Variants in TMC1 observed in about 807,000 individuals in gnomAD.
The protein encoded by TMC1 is transmembrane channel like 1, also known as transmembrane channel-like protein 1.
In TMC1, 84 loss-of-function variants were observed where a neutral mutation model predicts 105.8. The observed-to-expected ratio is 0.79, with a 90% CI of 0.67 to 0.95. The LOEUF is 0.95. Ranked by LOEUF, TMC1 falls within the 40% of genes least tolerant of loss-of-function variation. The pLI, the probability that TMC1 is intolerant of heterozygous loss-of-function variation, is 0.00. For synonymous variants in TMC1, 315 were observed against 311.5 expected, an observed-to-expected ratio of 1.01 and a Z score of -0.12; for missense variants, 817 against 914.1, an observed-to-expected ratio of 0.89 and a Z score of 1.37.
intron 20 of TMC1, among the ~76,000 whole-genome samples, chr9:72,821,973 C>A (rs575370609): frequency 5.3e-5 from 8 of 152,322 alleles, no homozygotes; most frequent in Admixed American, 4.6e-4. Context: ...TATATATTCT[C>A]TCCTAATTAT....
intron 2 of TMC1, among the ~76,000 whole-genome samples, chr9:72,585,874 C>T (rs998507326): frequency 1.3e-5 from 2 of 152,144 alleles, no homozygotes; most frequent in Admixed American, 1.3e-4. Flanking sequence ...GAGGATTCGT[C>T]ATGCACCCTG....
chr9:72,594,359 G>T (rs1824686226), intron 2 of TMC1, among the ~76,000 whole-genome samples: 1 of 152,202 alleles, frequency 6.6e-6, no homozygotes, highest in South Asian at 2.1e-4. Flanking sequence ...GGATAGTTTA[G>T]AAAGTTTATT....
At chr9:72,531,812 A>C (rs1324036204) in intron 1 of TMC1, among the ~76,000 whole-genome samples, 1 of 152,154 alleles carries the variant, frequency 6.6e-6, no homozygotes, top group Non-Finnish European at 1.5e-5. Context: ...AAATGCCCTC[A>C]ATTCAAAAAT....
chr9:72,544,795 T>TTTG (rs1379248832), intron 1 of TMC1, among the ~76,000 whole-genome samples: 1 of 151,294 alleles, frequency 6.6e-6, no homozygotes, highest in African/African-American at 2.4e-5. Context: ...ACCTTTTTTT[T>TTTG]TTTTAATTTC....
intron 1 of TMC1, among the ~76,000 whole-genome samples, chr9:72,566,438 T>C (rs1297294865): frequency 6.6e-6 from 1 of 151,434 alleles, no homozygotes; most frequent in Non-Finnish European, 1.5e-5. Context: ...CCATAGGGAC[T>C]ATCTTGGGCT....
intron 5 of TMC1, among the ~76,000 whole-genome samples, chr9:72,666,570 A>G (rs1325963670): frequency 6.6e-6 from 1 of 152,220 alleles, no homozygotes; most frequent in Non-Finnish European, 1.5e-5. Context: ...CTTGTACAGT[A>G]TAACTATTGT....
intron 1 of TMC1, among the ~76,000 whole-genome samples, chr9:72,525,749 A>T (rs906483678): frequency 6.6e-6 from 1 of 152,242 alleles, no homozygotes; most frequent in Non-Finnish European, 1.5e-5. Context: ...GCACTTTGGG[A>T]GGCCCAGGCG....
chr9:72,582,278 A>C (rs961737901), intron 2 of TMC1, among the ~76,000 whole-genome samples: 1 of 152,216 alleles, frequency 6.6e-6, no homozygotes, highest in Non-Finnish European at 1.5e-5. Flanking sequence ...AACAATAAAC[A>C]TGCAAAGATT....
At chr9:72,646,996 GC>G (rs1280899531) in intron 4 of TMC1, among the ~76,000 whole-genome samples, 1 of 151,886 alleles carries the variant, frequency 6.6e-6, no homozygotes, top group African/African-American at 2.4e-5. Context: ...ACAAAAATTA[GC>G]CCGGTGTGGT....
Position 72,616,378 on chromosome 9 carries a change from AT to A in TMC1, c.-294del, listed in dbSNP as rs1384331480. ...CCTTTATAATTCCAGGCCATGAAAG[AT>A]CACTGTTTTAGTCTGCGTGGTGCAG... On this transcript the variant is annotated 5_prime_UTR_variant, in exon 3 of 24. An upstream open reading frame in the 5' UTR gains an earlier in-frame stop. Transcript: ENST00000297784. 6.6e-6 allele frequency: 1 copy of A among 152,126 alleles called. No homozygotes were observed. The allele number at this position is 152,126 out of a possible 1,614,324, so 9.4% of individuals were successfully genotyped here.
At chr9:72,796,113 A>G (rs1428453219) in intron 17 of TMC1, among the ~76,000 whole-genome samples, 1 of 152,196 alleles carries the variant, frequency 6.6e-6, no homozygotes, top group African/African-American at 2.4e-5. Flanking sequence ...GGCATTACAT[A>G]ATGGTAAAGG....
chr9:72,726,968 T>C (rs1047131034), intron 8 of TMC1, among the ~76,000 whole-genome samples: 18 of 152,342 alleles, frequency 1.2e-4, no homozygotes, highest in African/African-American at 4.1e-4. Context: ...CATTAGAACA[T>C]GTTTGATTAG....
At chr9:72,655,783 ATT>A in intron 5 of TMC1, 2 of 566,004 alleles carry the variant, frequency 3.5e-6, no homozygotes, top group Admixed American at 2.7e-5. Context: ...TGCTTGTTTC[ATT>A]TTTTTTTAAT....
At chr9:72,537,958 T>A (rs1323470048) in intron 1 of TMC1, among the ~76,000 whole-genome samples, 1 of 151,794 alleles carries the variant, frequency 6.6e-6, no homozygotes. Context: ...CTGTTTGAGA[T>A]CAGCCTGGGC....
chr9:72,743,591 A>G (rs1827435672), intron 10 of TMC1, among the ~76,000 whole-genome samples: 1 of 150,538 alleles, frequency 6.6e-6, no homozygotes, highest in South Asian at 2.1e-4. Flanking sequence ...AGAAAGAAAG[A>G]AAGAAAAAAA....
intron 1 of TMC1, among the ~76,000 whole-genome samples, chr9:72,549,905 C>G (rs1420572462): frequency 6.6e-6 from 1 of 151,878 alleles, no homozygotes; most frequent in Non-Finnish European, 1.5e-5. Context: ...AGCCACCGAG[C>G]CCGGCCTAAT....
rs137977744 is a variant in TMC1, at chr9:72,580,557, A to AATGT, written c.-306+2534_-306+2535insATGT. 1.3e-4 allele frequency among the ~76,000 whole-genome samples: 20 copies of AATGT among 150,204 alleles called. No homozygotes were observed. In the East Asian group the frequency reaches 3.9e-3, roughly 30 times the overall value. On this transcript the variant is annotated intron_variant, in intron 2 of 23. Transcript: ENST00000297784. ...TCTTCTCTAAATCTGACAGTGAAGC[A>AATGT]GTGTGTGTGTGTGTGTGTGTGTGTG...
intron 7 of TMC1, among the ~76,000 whole-genome samples, chr9:72,700,265 G>A (rs1826620543): frequency 2.0e-5 from 3 of 149,328 alleles, no homozygotes; most frequent in Non-Finnish European, 1.5e-5. Context: ...AAAAAAAAAA[G>A]AAAAGAAAAG....
chr9:72,815,629 CATAA>C (rs1175053362), intron 18 of TMC1, among the ~76,000 whole-genome samples: 1 of 152,070 alleles, frequency 6.6e-6, no homozygotes, highest in Non-Finnish European at 1.5e-5. Context: ...TCCTCATGTA[CATAA>C]ATATTCTTTC....
Sources: gnomAD v4.1 joint callset for allele counts (sites outside exome capture counted in the v4.1 genomes callset) on GRCh38, gnomAD v4.1.1 for gene constraint, MANE v1.5 for transcripts, NCBI Gene and HGNC (gene_info 2026-07-23, HGNC 2026-07-21) for gene names.